Variants in MRPL1 observed in about 807,000 individuals in gnomAD.
MRPL1 encodes mitochondrial ribosomal protein L1.
A neutral mutation model predicts 38.0 loss-of-function variants in MRPL1; 28 were observed. That is an observed-to-expected ratio of 0.74 (90% confidence interval 0.55 to 1.01). The LOEUF is 1.01. Among genes scored for constraint, MRPL1 ranks in the 50% least tolerant of loss-of-function variants. The probability of loss-of-function intolerance (pLI) is 0.00; values close to 1 mark genes in which losing one functional copy is unlikely to be tolerated. For missense variants in MRPL1, 358 were observed against 389.8 expected (o/e 0.92, Z 0.69); for synonymous variants, 123 against 126.7 (o/e 0.97, Z 0.20).
intron 4 of MRPL1, among the ~76,000 whole-genome samples, chr4:77,886,752 A>T (rs1395096162): frequency 1.4e-5 from 2 of 144,152 alleles, no homozygotes; most frequent in African/African-American, 5.1e-5. Flanking sequence ...AAATGTTGGG[A>T]TTACAGGTGT....
chr4:77,886,789 C>A (rs1227573924), intron 4 of MRPL1, among the ~76,000 whole-genome samples: 2 of 90,500 alleles, frequency 2.2e-5, no homozygotes, highest in Non-Finnish European at 2.0e-5. Flanking sequence ...TTTGCATTTT[C>A]TTTTTTTTTT....
chr4:77,909,897 A>T (rs1380959266), intron 7 of MRPL1, among the ~76,000 whole-genome samples: 3 of 152,200 alleles, frequency 2.0e-5, no homozygotes, highest in Non-Finnish European at 1.5e-5. Flanking sequence ...TAGATATGCC[A>T]CATTTCTAGG....
At chr4:77,899,970 T>C (rs1355219569) in intron 6 of MRPL1, among the ~76,000 whole-genome samples, 1 of 152,184 alleles carries the variant, frequency 6.6e-6, no homozygotes, top group Non-Finnish European at 1.5e-5. Flanking sequence ...TCTTTGTCAG[T>C]TACTGTGACC....
chr4:77,883,929 C>G (rs1388942705), intron 3 of MRPL1, among the ~76,000 whole-genome samples: 1 of 152,052 alleles, frequency 6.6e-6, no homozygotes, highest in Non-Finnish European at 1.5e-5. Flanking sequence ...ACTTCATGCT[C>G]TTTCTGTACT....
In MRPL1 at chr4:77,952,490, TC is replaced by T. The variant is rs1737432892; in HGVS notation, c.864del (p.Phe289LeufsTer17). ...VCRHRPLNLG[P>X]FVVRAFLRSS... is the part of the protein sequence containing the mutation. ...GTTGATTCTCGTTTTTGTTTCCAGGTCCCTTTGTGGTACGTGCTTTCCTTCG... is the reference window on the plus strand; with the variant it reads ...GTTGATTCTCGTTTTTGTTTCCAGGTCCTTTGTGGTACGTGCTTTCCTTCG... On this transcript the variant is annotated frameshift_variant and splice_region_variant, in exon 9 of 9. Coordinates refer to ENST00000315567, the MANE Select transcript of MRPL1 (RefSeq NM_020236.4). LOFTEE classifies it high-confidence loss of function. 1 of 1,608,036 alleles carries T rather than the reference TC, an allele frequency of 6.2e-7. No individual in the cohort carries two copies. The highest frequency in any genetic ancestry group is 8.5e-7 in the Non-Finnish European group (1 of 1,175,438).
At chr4:77,926,606 T>C (rs1736718579) in intron 7 of MRPL1, among the ~76,000 whole-genome samples, 1 of 110,222 alleles carries the variant, frequency 9.1e-6, no homozygotes, top group Non-Finnish European at 1.7e-5. Flanking sequence ...GTTTTTTTCT[T>C]TTTTACTTTT....
intron 2 of MRPL1, among the ~76,000 whole-genome samples, chr4:77,881,259 T>C (rs950023858): frequency 6.6e-6 from 1 of 152,072 alleles, no homozygotes; most frequent in African/African-American, 2.4e-5. Flanking sequence ...TGACCCATAC[T>C]CAAACTTCAT....
chr4:77,944,951 C>T (rs867626984), intron 7 of MRPL1, among the ~76,000 whole-genome samples: 14 of 152,040 alleles, frequency 9.2e-5, no homozygotes, highest in Middle Eastern at 6.8e-3. Flanking sequence ...CACTCCTTAC[C>T]ATGTGTGTGC....
rs184310941 is a variant in MRPL1 at position 77,925,383 on chromosome 4, G to T, written c.777+16011G>T. The stretch of plus-strand genomic sequence containing the variant: ...TTTTTCTTTTTTGAGACCTAGTCTC[G>T]CTCTGTCACCCAGTCTGGAGTGCAG... On this transcript the variant is annotated intron_variant, in intron 7 of 8. Coordinates refer to ENST00000315567, the MANE Select transcript of MRPL1 (RefSeq NM_020236.4). Among the ~76,000 whole-genome samples the T allele has an allele frequency of 7.2e-4, 105 of 146,290 alleles. No homozygotes were observed. In the South Asian group the frequency reaches 9.4e-3, roughly 13 times the overall value.
intron 6 of MRPL1, among the ~76,000 whole-genome samples, chr4:77,906,350 G>T (rs1465185257): frequency 6.6e-6 from 1 of 151,736 alleles, no homozygotes; most frequent in African/African-American, 2.4e-5. Flanking sequence ...AGAAGGACAC[G>T]AAATAGAGAT....
intron 5 of MRPL1, among the ~76,000 whole-genome samples, chr4:77,888,717 A>T (rs554222698): frequency 7.2e-5 from 11 of 151,936 alleles, no homozygotes; most frequent in South Asian, 4.2e-4. Flanking sequence ...AAGTTATGGA[A>T]TTTTTTTTAT....
chr4:77,921,228 G>A (rs917968327), intron 7 of MRPL1, among the ~76,000 whole-genome samples: 2 of 152,094 alleles, frequency 1.3e-5, no homozygotes, highest in African/African-American at 4.8e-5. Flanking sequence ...AATGCCTGCC[G>A]AGTGGCAAAA....
At chr4:77,883,897 T>C (rs952836711) in intron 3 of MRPL1, among the ~76,000 whole-genome samples, 2 of 152,204 alleles carry the variant, frequency 1.3e-5, no homozygotes, top group African/African-American at 4.8e-5. Flanking sequence ...TAAAAATTAT[T>C]GCCTCTCATA....
At position 77,883,267 on chromosome 4, in the gene MRPL1, G is replaced by C; in HGVS notation, c.169G>C (p.Ala57Pro). 6.3e-7 allele frequency: 1 copy of C among 1,582,404 alleles called. No individual in the cohort carries two copies. The highest frequency in any genetic ancestry group is 8.6e-7 in the Non-Finnish European group (1 of 1,168,966). Residue 57 changes from alanine (A) to proline (P), a missense_variant, in exon 3 of 9, where the codon GCT (alanine) becomes CCT (proline). By Grantham distance (27) the Ala-to-Pro change is conservative. Transcript: ENST00000315567. ...GTCTGCAAAGAAAACAAAAAAAGGTGCTAAAGAAAAAACACCAGATGAGAA... is the reference window on the plus strand; with the variant it reads ...GTCTGCAAAGAAAACAAAAAAAGGTCCTAAAGAAAAAACACCAGATGAGAA... Reference protein sequence around the residue: ...TKSAKKTKKGAKEKTPDEKKD... With the variant: ...TKSAKKTKKGPKEKTPDEKKD...
intron 2 of MRPL1, among the ~76,000 whole-genome samples, chr4:77,873,345 A>C (rs1735325388): frequency 6.6e-6 from 1 of 152,226 alleles, no homozygotes; most frequent in Non-Finnish European, 1.5e-5. Flanking sequence ...TTTCAGCCTA[A>C]ATTTTCTGAC....
Position 77,909,376 on chromosome 4 carries a change from A to T in MRPL1, c.777+4A>T, listed in dbSNP as rs921501244. The T allele has an allele frequency of 9.6e-6, 14 of 1,463,254 alleles. No individual in the cohort carries two copies. Among genetic ancestry groups the T allele is most frequent in the Admixed American group, 3.7e-5 (2 of 54,668 alleles). The allele number at this position is 1,463,254 out of a possible 1,614,324, so 90.6% of individuals were successfully genotyped here. A position where few individuals can be genotyped will look rare whatever the true frequency, so the allele number is the denominator to read the frequency against. On this transcript the variant is annotated splice_donor_region_variant and intron_variant, in intron 7 of 8. Transcript: ENST00000315567. ...TCTCCAGACCAAAATAGCAACAGTA[A>T]GTTACAATGAAAATTATCAAATAAT...
chr4:77,916,012 A>G (rs867500607), intron 7 of MRPL1, among the ~76,000 whole-genome samples: 1 of 152,352 alleles, frequency 6.6e-6, no homozygotes, highest in Middle Eastern at 3.4e-3. Context: ...AAAACTGAAA[A>G]TAAAGAGCTA....
chr4:77,926,717 T>C (rs1022579676), intron 7 of MRPL1, among the ~76,000 whole-genome samples: 1 of 151,940 alleles, frequency 6.6e-6, no homozygotes, highest in African/African-American at 2.4e-5. Context: ...CAGGTGATTC[T>C]CTTGCCTCAG....
In MRPL1 at chr4:77,915,926, A is replaced by G. The variant is rs540210058; in HGVS notation, c.777+6554A>G. 3.9e-4 allele frequency among the ~76,000 whole-genome samples: 59 copies of G among 152,214 alleles called. 2 individuals carry two copies. The highest frequency in any genetic ancestry group is 7.9e-4 in the Non-Finnish European group (54 of 68,032). ...ACATAGACACCATTTATTTTCTCTC[A>G]TAGCATGAAGCATAATTGGTTGGGA... On this transcript the variant is annotated intron_variant, in intron 7 of 8. Transcript: ENST00000315567.
Sources: gnomAD v4.1 joint callset for allele counts (sites outside exome capture counted in the v4.1 genomes callset) on GRCh38, gnomAD v4.1.1 for gene constraint, MANE v1.5 for transcripts, NCBI Gene and HGNC (gene_info 2026-07-23, HGNC 2026-07-21) for gene names.